The following GSTCD variants were observed in gnomAD, a reference collection of about 807,000 sequenced individuals.
GSTCD encodes the protein glutathione S-transferase C-terminal domain-containing protein.
In GSTCD, 44 loss-of-function variants were observed where a neutral mutation model predicts 68.3. The ratio of observed to expected loss-of-function variants is 0.64; its 90% CI spans 0.51 to 0.83. GSTCD has a LOEUF of 0.83. GSTCD is among the 40% of genes least tolerant of loss of function. The pLI, the probability that GSTCD is intolerant of heterozygous loss-of-function variation, is 0.00. For synonymous variants in GSTCD, 273 were observed against 255.2 expected, an observed-to-expected ratio of 1.07 and a Z score of -0.67; for missense variants, 739 against 735.9, an observed-to-expected ratio of 1.00 and a Z score of -0.05.
At chr4:105,735,291 G>T (rs2149216462) in intron 5 of GSTCD, among the ~76,000 whole-genome samples, 1 of 152,320 alleles carries the variant, frequency 6.6e-6, no homozygotes, top group African/African-American at 2.4e-5. Flanking sequence ...TACAGAGGCA[G>T]GCAGGCCTCC....
intron 10 of GSTCD, among the ~76,000 whole-genome samples, chr4:105,839,259 A>G (rs1724242226): frequency 6.6e-6 from 1 of 152,262 alleles, no homozygotes; most frequent in Non-Finnish European, 1.5e-5. Context: ...AAGAAACATT[A>G]GGACCCAAGA....
At chr4:105,823,526 A>G in intron 7 of GSTCD, 1 of 318,012 alleles carries the variant, frequency 3.1e-6, no homozygotes, top group East Asian at 5.1e-5. Context: ...TCAAAGAAGT[A>G]GCTATTTTAT....
At chr4:105,729,700 G>A (rs1417448869) in intron 5 of GSTCD, among the ~76,000 whole-genome samples, 1 of 151,748 alleles carries the variant, frequency 6.6e-6, no homozygotes, top group Non-Finnish European at 1.5e-5. Flanking sequence ...TTCTACATTT[G>A]TTTTATTTGT....
At chr4:105,818,515 T>C (rs1191641995) in intron 5 of GSTCD, among the ~76,000 whole-genome samples, 1 of 151,796 alleles carries the variant, frequency 6.6e-6, no homozygotes, top group Non-Finnish European at 1.5e-5. Context: ...GGTTAGCAAA[T>C]TAATCAGAGC....
intron 5 of GSTCD, among the ~76,000 whole-genome samples, chr4:105,749,951 T>C (rs1167824955): frequency 6.6e-6 from 1 of 152,118 alleles, no homozygotes; most frequent in African/African-American, 2.4e-5. Context: ...GATCAAGATA[T>C]ATAAAGAGTT....
At chr4:105,825,610 T>C in intron 7 of GSTCD, 62 bp from the exon 8 acceptor site, 1 of 946,630 alleles carries the variant, frequency 1.1e-6, no homozygotes. Flanking sequence ...ATAGTGATAA[T>C]GCTTTGCCTA....
chr4:105,818,126 A>G (rs566173116), intron 5 of GSTCD, among the ~76,000 whole-genome samples: 5 of 151,954 alleles, frequency 3.3e-5, no homozygotes, highest in African/African-American at 9.6e-5. Flanking sequence ...AATTTCAGCT[A>G]ACGGTTTTTT....
intron 5 of GSTCD, among the ~76,000 whole-genome samples, chr4:105,759,636 A>G (rs1273929686): frequency 6.6e-6 from 1 of 152,212 alleles, no homozygotes; most frequent in Non-Finnish European, 1.5e-5. Flanking sequence ...TGAAATAATG[A>G]ATGAATTGTA....
At position 105,846,179 on chromosome 4, in the gene GSTCD, G is replaced by C. The variant is rs1304777023; in HGVS notation, c.*602G>C. 6.6e-6 allele frequency: 1 copy of C among 152,136 alleles called. No individual in the cohort carries two copies. The highest frequency in any genetic ancestry group is 1.9e-4 in the East Asian group (1 of 5,184). 9.4% of individuals were successfully genotyped at this position (152,136 alleles called of 1,614,324 possible). On this transcript the variant is annotated 3_prime_UTR_variant, in exon 12 of 12. Transcript: ENST00000515279. The stretch of plus-strand genomic sequence containing the variant: ...CATGCCTATAATCCCAGCACTTTGA[G>C]AGGCCAAGGTGGGAGGATCATTTGA...
At chr4:105,766,673 TTCTC>T (rs1229218499) in intron 5 of GSTCD, among the ~76,000 whole-genome samples, 1 of 152,262 alleles carries the variant, frequency 6.6e-6, no homozygotes, top group East Asian at 1.9e-4. Context: ...GAATATGCCT[TTCTC>T]TCTCATGTTT....
At chr4:105,807,969 CT>C (rs1048241185) in intron 5 of GSTCD, among the ~76,000 whole-genome samples, 68 of 152,100 alleles carry the variant, frequency 4.5e-4, no homozygotes, top group African/African-American at 1.6e-3. Flanking sequence ...TCTATTATGC[CT>C]TGTACATGTA....
intron 5 of GSTCD, among the ~76,000 whole-genome samples, chr4:105,737,982 CCTCCT>C (rs1733513438): frequency 6.6e-6 from 1 of 152,088 alleles, no homozygotes; most frequent in Non-Finnish European, 1.5e-5. Flanking sequence ...AAGCCTGGTA[CCTCCT>C]CTACTCTCTC....
intron 5 of GSTCD, among the ~76,000 whole-genome samples, chr4:105,788,064 T>G (rs1735530781): frequency 6.6e-6 from 1 of 152,038 alleles, no homozygotes; most frequent in Non-Finnish European, 1.5e-5. Context: ...TTGTTGTTAT[T>G]TAGTTTCATG....
chr4:105,763,294 A>T (rs1734483503), intron 5 of GSTCD, among the ~76,000 whole-genome samples: 3 of 152,196 alleles, frequency 2.0e-5, no homozygotes, highest in Admixed American at 2.0e-4. Context: ...ATACTTAAGG[A>T]TATGAGTTAA....
chr4:105,809,062 C>T (rs146652825), intron 5 of GSTCD, among the ~76,000 whole-genome samples: 3 of 152,144 alleles, frequency 2.0e-5, no homozygotes, highest in East Asian at 3.9e-4. Flanking sequence ...AAGTTATTGA[C>T]TTAATAAGGA....
intron 8 of GSTCD, chr4:105,827,091 GAAAATTCAAATTAAAA>G (rs1723667342): frequency 6.6e-6 from 1 of 152,040 alleles, no homozygotes; most frequent in African/African-American, 2.4e-5. Flanking sequence ...ATGTAATCTA[GAAAATTCAAATTAAAA>G]AATACCTGTG....
intron 5 of GSTCD, among the ~76,000 whole-genome samples, chr4:105,751,303 GA>G (rs879761329): frequency 2.0e-5 from 3 of 152,170 alleles, no homozygotes; most frequent in African/African-American, 4.8e-5. Context: ...GAAATATTTG[GA>G]AAAATCAGGG....
At chr4:105,805,627 A>G (rs1038102810) in intron 5 of GSTCD, among the ~76,000 whole-genome samples, 3 of 152,046 alleles carry the variant, frequency 2.0e-5, no homozygotes, top group Admixed American at 2.0e-4. Flanking sequence ...TTTCCTGGAA[A>G]CTAATCTCCT....
chr4:105,744,338 G>T (rs909091889), intron 5 of GSTCD, among the ~76,000 whole-genome samples: 2 of 152,164 alleles, frequency 1.3e-5, no homozygotes, highest in Admixed American at 1.3e-4. Flanking sequence ...TTTGTAGAGA[G>T]ATACTTTCAG....
Sources: gnomAD v4.1 joint callset for allele counts (sites outside exome capture counted in the v4.1 genomes callset) on GRCh38, gnomAD v4.1.1 for gene constraint, MANE v1.5 for transcripts, NCBI Gene and HGNC (gene_info 2026-07-23, HGNC 2026-07-21) for gene names.